Variants in MAOB observed in about 807,000 individuals in gnomAD.
MAOB encodes the protein monoamine oxidase B, also known as amine oxidase [flavin-containing] B.
In MAOB, 15 loss-of-function variants were observed where a neutral mutation model predicts 41.9. The ratio of observed to expected loss-of-function variants is 0.36; its 90% CI spans 0.24 to 0.55. The LOEUF (loss-of-function observed/expected upper bound fraction) is 0.55. Ranked by LOEUF, MAOB falls within the 20% of genes least tolerant of loss-of-function variation. The pLI is 0.86. For synonymous variants in MAOB, 167 were observed against 144.2 expected (o/e 1.16, Z -1.13); for missense variants, 345 against 398.7 (o/e 0.87, Z 1.15).
intron 3 of MAOB, among the ~76,000 whole-genome samples, chrX:43,833,612 T>G (rs936425139): frequency 1.8e-5 from 2 of 111,716 alleles, no homozygotes; most frequent in African/African-American, 6.5e-5. Flanking sequence ...TGCACAAGAT[T>G]TAATCTATAT....
At chrX:43,864,595 G>C (rs1429917787) in intron 1 of MAOB, among the ~76,000 whole-genome samples, 2 of 111,511 alleles carry the variant, frequency 1.8e-5, no homozygotes, top group Non-Finnish European at 3.8e-5. Context: ...TATCTTATTT[G>C]GGCTTTGGGA....
At chrX:43,824,720 T>C (rs1447454458) in intron 3 of MAOB, among the ~76,000 whole-genome samples, 4 of 112,443 alleles carry the variant, frequency 3.6e-5, no homozygotes, top group Non-Finnish European at 5.6e-5. Context: ...TTCTTTTGTA[T>C]CTGCCCCCAA....
At chrX:43,819,520 A>G (rs1247913628) in intron 3 of MAOB, among the ~76,000 whole-genome samples, 2 of 111,131 alleles carry the variant, frequency 1.8e-5, no homozygotes, top group African/African-American at 6.6e-5. Context: ...CCAACAATCA[A>G]TGGCTGTTGA....
intron 3 of MAOB, among the ~76,000 whole-genome samples, chrX:43,825,639 T>C (rs752617978): frequency 8.9e-6 from 1 of 112,033 alleles, no homozygotes; most frequent in African/African-American, 3.2e-5. Flanking sequence ...ATCTTATACA[T>C]GCATTTGGGA....
chrX:43,817,155 T>C (rs749395932), intron 3 of MAOB, among the ~76,000 whole-genome samples: 1 of 107,503 alleles, frequency 9.3e-6, no homozygotes, highest in African/African-American at 3.4e-5. Context: ...TCTCTCTCTC[T>C]GCTATAGCTC....
At chrX:43,866,591 T>C (rs746389302) in intron 1 of MAOB, among the ~76,000 whole-genome samples, 6 of 112,557 alleles carry the variant, frequency 5.3e-5, no homozygotes, top group Non-Finnish European at 1.1e-4. Flanking sequence ...GCTTAATGCG[T>C]ACAGAGTTTC....
At chrX:43,769,734 T>C (rs2034157843) in intron 12 of MAOB, among the ~76,000 whole-genome samples, 1 of 111,409 alleles carries the variant, frequency 9.0e-6, no homozygotes, top group Non-Finnish European at 1.9e-5. Flanking sequence ...ATGGCTCCCT[T>C]TATGGCTCAC....
intron 5 of MAOB, among the ~76,000 whole-genome samples, chrX:43,801,264 G>A (rs2034591442): frequency 1.8e-5 from 2 of 110,209 alleles, no homozygotes; most frequent in Non-Finnish European, 1.9e-5. Context: ...ATTATTAGAA[G>A]CTGAATTTTT....
chrX:43,767,552 G>A lies in MAOB; in HGVS notation c.1477C>T (p.Leu493Phe). 8.3e-7 allele frequency: 1 copy of A among 1,210,274 alleles called. No homozygotes were observed. The highest frequency in any genetic ancestry group is 1.1e-6 in the Non-Finnish European group (1 of 894,543). Residue 493 changes from leucine (L) to phenylalanine (F), a missense_variant, in exon 15 of 15, where the codon CTC becomes TTC. Leu to Phe is a conservative substitution (Grantham distance 22, BLOSUM62 0). Coordinates refer to ENST00000378069, the MANE Select transcript of MAOB (RefSeq NM_000898.5). ...ATGGTGGTCAATCCAATCAGCCTGA[G>A]CAGGCCTGGCACGGAGGGCAAATGT... ...ERHLPSVPGLLRLIGLTTIFS... is the reference protein window; with the variant it reads ...ERHLPSVPGLFRLIGLTTIFS...
chrX:43,873,911 G>A (rs911607136), intron 1 of MAOB, among the ~76,000 whole-genome samples: 3 of 111,251 alleles, frequency 2.7e-5, no homozygotes, highest in African/African-American at 6.5e-5. Context: ...TCCTGACCTC[G>A]CGATCCGCCC....
At chrX:43,862,052 G>T (rs756500303) in intron 1 of MAOB, among the ~76,000 whole-genome samples, 1 of 111,355 alleles carries the variant, frequency 9.0e-6, no homozygotes, top group East Asian at 2.8e-4. Flanking sequence ...TGAGAAACCC[G>T]TGCTACTTTT....
At chrX:43,848,591 C>T (rs917012110) in intron 1 of MAOB, among the ~76,000 whole-genome samples, 5 of 111,476 alleles carry the variant, frequency 4.5e-5, no homozygotes, top group Admixed American at 1.9e-4. Context: ...CTCACTCTGT[C>T]ACCCAGGCTG....
intron 1 of MAOB, among the ~76,000 whole-genome samples, chrX:43,880,415 T>A (rs2035466028): frequency 8.9e-6 from 1 of 112,414 alleles, no homozygotes. Context: ...CTTGAGGGGC[T>A]TGTGCCATAT....
Position 43,802,246 on chromosome X carries a change from T to C in MAOB, c.402A>G (p.Pro134=), listed in dbSNP as rs76703559. The change falls in exon 5 of 15, where the codon CCA becomes CCG. Residue 134 remains proline, a synonymous_variant. Transcript: ENST00000378069. The stretch of plus-strand genomic sequence containing the variant: ...ACTCTTCTGCAAGGGGAGCCTTCCA[T>C]GGGGCATCACTCGGAATCTACATTC... ...DMGREIPSDA[P]WKAPLAEEWD... The C allele has an allele frequency of 3.0e-3, 3,588 of 1,194,395 alleles. 4 individuals carry two copies. The highest frequency in any genetic ancestry group is 3.8e-3 in the Non-Finnish European group (3,337 of 882,035).
chrX:43,881,811 C>A (rs949123469), intron 1 of MAOB, among the ~76,000 whole-genome samples: 4 of 112,515 alleles, frequency 3.6e-5, no homozygotes, highest in African/African-American at 1.3e-4. Flanking sequence ...AGGCTCCAAC[C>A]TCTTCTGTTC....
At chrX:43,790,913 C>T (rs993391007) in intron 8 of MAOB, among the ~76,000 whole-genome samples, 3 of 111,748 alleles carry the variant, frequency 2.7e-5, no homozygotes, top group African/African-American at 9.8e-5. Context: ...TGGAAAGTTA[C>T]AGTTTCTCTC....
At chrX:43,785,167 C>T (rs1009717494) in intron 8 of MAOB, among the ~76,000 whole-genome samples, 37 of 112,997 alleles carry the variant, frequency 3.3e-4, no homozygotes, top group Non-Finnish European at 1.3e-4. Context: ...CAAAACAAGA[C>T]AATCTGTTGT....
At chrX:43,850,361 G>C (rs775168905) in intron 1 of MAOB, 3 of 748,667 alleles carry the variant, frequency 4.0e-6, no homozygotes, top group South Asian at 6.8e-5. Flanking sequence ...AAAGCCTTGG[G>C]ACTGTATCAT....
At chrX:43,794,039 G>C (rs540299770) in intron 7 of MAOB, among the ~76,000 whole-genome samples, 1 of 111,737 alleles carries the variant, frequency 8.9e-6, no homozygotes, top group Admixed American at 9.5e-5. Context: ...ACCACACCCA[G>C]CTAATTTTTG....
Sources: allele counts gnomAD v4.1 joint callset (sites outside exome capture counted in the v4.1 genomes callset), GRCh38; gene constraint gnomAD v4.1.1; transcripts MANE v1.5; gene names NCBI Gene and HGNC (gene_info 2026-07-23, HGNC 2026-07-21).